The following CACNA1D variants were observed in gnomAD, a reference collection of about 807,000 sequenced individuals.
CACNA1D encodes calcium voltage-gated channel subunit alpha1 D, also known as voltage-dependent L-type calcium channel subunit alpha-1D.
In CACNA1D, 55 loss-of-function variants were observed where a neutral mutation model predicts 257.1. The ratio of observed to expected loss-of-function variants is 0.21; its 90% CI spans 0.17 to 0.27. The LOEUF is 0.27. CACNA1D is among the 10% of genes least tolerant of loss of function. CACNA1D has a pLI of 1.00. For synonymous variants in CACNA1D, 980 were observed against 1,014.9 expected (o/e 0.97, Z 0.65); for missense variants, 1,876 against 2,784.0 (o/e 0.67, Z 7.34).
At chr3:53,568,394 C>T (rs1456214577) in intron 3 of CACNA1D, among the ~76,000 whole-genome samples, 1 of 152,234 alleles carries the variant, frequency 6.6e-6, no homozygotes, top group Non-Finnish European at 1.5e-5. Context: ...ACCTCCAGCA[C>T]CTTCCAGCCT....
chr3:53,586,136 A>C (rs2093211600), intron 3 of CACNA1D, among the ~76,000 whole-genome samples: 1 of 152,228 alleles, frequency 6.6e-6, no homozygotes, highest in Non-Finnish European at 1.5e-5. Flanking sequence ...TCTCCTGAGC[A>C]TCCCAGTGAC....
Position 53,812,375 on chromosome 3 carries a change from T to A in CACNA1D, c.*969T>A, listed in dbSNP as rs139267150. The stretch of plus-strand genomic sequence containing the variant: ...TTTATTCAGCGAAAATCCTCTGGGG[T>A]TAAAATTTTAAGTTTGAAAGAACTT... On this transcript the variant is annotated 3_prime_UTR_variant, in exon 48 of 48. Transcript: ENST00000350061. 61 of 152,326 alleles carry A rather than the reference T, an allele frequency of 4.0e-4. 1 individual carries two copies. In the East Asian group the frequency reaches 0.011, roughly 28 times the overall value. The allele number at this position is 152,326 out of a possible 1,614,324, so 9.4% of individuals were successfully genotyped here. A position where few individuals can be genotyped will look rare whatever the true frequency, so the allele number is the denominator to read the frequency against.
chr3:53,696,023 G>C (rs2094570080), intron 8 of CACNA1D, among the ~76,000 whole-genome samples: 1 of 152,128 alleles, frequency 6.6e-6, no homozygotes, highest in South Asian at 2.1e-4. Context: ...CAGTGCAGTG[G>C]TACAGTCACA....
intron 3 of CACNA1D, among the ~76,000 whole-genome samples, chr3:53,602,185 C>T (rs996815443): frequency 1.3e-5 from 2 of 152,184 alleles, no homozygotes; most frequent in Admixed American, 1.3e-4. Context: ...TTTTTTAGCT[C>T]CTACATATAA....
chr3:53,651,360 A>AATTTT (rs2094090609), intron 4 of CACNA1D, among the ~76,000 whole-genome samples: 2 of 70,846 alleles, frequency 2.8e-5, no homozygotes, highest in African/African-American at 6.4e-5. Flanking sequence ...CAAAGCTATT[A>AATTTT]ATTTTCTTTT....
At chr3:53,663,606 C>T (rs576328984) in intron 5 of CACNA1D, among the ~76,000 whole-genome samples, 2 of 152,230 alleles carry the variant, frequency 1.3e-5, no homozygotes, top group Admixed American at 1.3e-4. Context: ...CTTACCCACA[C>T]TCTGGCACTG....
rs1001044595 is a variant in CACNA1D at position 53,726,771 on chromosome 3, A to T, written c.2101-108A>T. 3 of 1,345,558 alleles carry T rather than the reference A, an allele frequency of 2.2e-6. No individual in the cohort carries two copies. In the African/African-American group the frequency reaches 4.3e-5, roughly 19 times the overall value. 83.4% of individuals were successfully genotyped at this position (1,345,558 alleles called of 1,614,324 possible). A position where few individuals can be genotyped will look rare whatever the true frequency, so the allele number is the denominator to read the frequency against. ...GATGGATTTGTTCAGTGCAAACTGG[A>T]CTGTGAAAGGCAGCTTAAACCAGAT... On this transcript the variant is annotated intron_variant, in intron 14 of 47. Coordinates refer to ENST00000350061, the MANE Select transcript of CACNA1D (RefSeq NM_001128840.3).
chr3:53,591,152 A>G (rs780440791), intron 3 of CACNA1D, among the ~76,000 whole-genome samples: 38 of 152,084 alleles, frequency 2.5e-4, no homozygotes, highest in Non-Finnish European at 4.0e-4. Flanking sequence ...CAAGGGCCCC[A>G]TGTATTTTTC....
intron 3 of CACNA1D, among the ~76,000 whole-genome samples, chr3:53,643,124 G>A (rs1435794032): frequency 6.6e-6 from 1 of 152,176 alleles, no homozygotes; most frequent in Non-Finnish European, 1.5e-5. Context: ...GGACACAAAT[G>A]TCACATAAAA....
chr3:53,553,069 G>A (rs2092567764), intron 3 of CACNA1D, among the ~76,000 whole-genome samples: 1 of 152,186 alleles, frequency 6.6e-6, no homozygotes, highest in Non-Finnish European at 1.5e-5. Context: ...GCACGTGCAT[G>A]AAAGCAGGGA....
chr3:53,656,766 C>G (rs1160478748), intron 4 of CACNA1D, among the ~76,000 whole-genome samples: 1 of 152,096 alleles, frequency 6.6e-6, no homozygotes, highest in Non-Finnish European at 1.5e-5. Flanking sequence ...CAGATCTTCA[C>G]AAAAGAAGAT....
intron 9 of CACNA1D, among the ~76,000 whole-genome samples, chr3:53,706,308 G>A (rs2094688653): frequency 6.6e-6 from 1 of 152,194 alleles, no homozygotes; most frequent in Admixed American, 6.5e-5. Flanking sequence ...AGTGGGTGTA[G>A]GAAGTCATTA....
chr3:53,713,252 C>G (rs913639692), intron 9 of CACNA1D, among the ~76,000 whole-genome samples: 3 of 152,136 alleles, frequency 2.0e-5, no homozygotes, highest in Admixed American at 1.3e-4. Flanking sequence ...GTAAATGGAT[C>G]TTAGAGATGA....
intron 3 of CACNA1D, among the ~76,000 whole-genome samples, chr3:53,580,251 A>G (rs1424547975): frequency 6.6e-6 from 1 of 152,238 alleles, no homozygotes; most frequent in Non-Finnish European, 1.5e-5. Context: ...GGTAAAAAAA[A>G]GAATCAAGAG....
At chr3:53,756,019 C>A (rs933012186) in intron 29 of CACNA1D, among the ~76,000 whole-genome samples, 1 of 152,160 alleles carries the variant, frequency 6.6e-6, no homozygotes, top group African/African-American at 2.4e-5. Context: ...ATGGGAGGAG[C>A]TTTGTAAAAG....
intron 45 of CACNA1D, 64 bp downstream of exon 45, chr3:53,805,210 C>T: frequency 3.3e-6 from 5 of 1,514,936 alleles, no homozygotes; most frequent in Non-Finnish European, 3.6e-6. Flanking sequence ...TCCCCCAACC[C>T]CCGCTCTGGG....
intron 19 of CACNA1D, 150 bp downstream of exon 19, chr3:53,733,112 A>G: frequency 2.9e-6 from 2 of 699,510 alleles, no homozygotes; most frequent in Non-Finnish European, 4.9e-6. Flanking sequence ...AGTCCCCTCC[A>G]ACCCCTCTCT....
At chr3:53,607,587 A>T (rs2093528512) in intron 3 of CACNA1D, among the ~76,000 whole-genome samples, 1 of 152,248 alleles carries the variant, frequency 6.6e-6, no homozygotes, top group African/African-American at 2.4e-5. Flanking sequence ...GACCTGTCTT[A>T]TGTAACTAAA....
intron 3 of CACNA1D, among the ~76,000 whole-genome samples, chr3:53,575,814 A>G (rs2093028151): frequency 6.6e-6 from 1 of 152,210 alleles, no homozygotes. Context: ...GTAGTTGAGC[A>G]TGTGCTGAGA....
Sources: allele counts gnomAD v4.1 joint callset (sites outside exome capture counted in the v4.1 genomes callset), GRCh38; gene constraint gnomAD v4.1.1; transcripts MANE v1.5; gene names NCBI Gene and HGNC (gene_info 2026-07-23, HGNC 2026-07-21).